ABI1: variants seen among roughly 807,000 people sequenced by gnomAD.
ABI1 encodes abl interactor 1, also known as Abelson interactor 1.
ABI1 carries 14 observed loss-of-function variants against 54.6 expected under a neutral mutation model. The observed-to-expected ratio is 0.26, with a 90% CI of 0.17 to 0.40. The LOEUF (loss-of-function observed/expected upper bound fraction) is 0.40, where lower values mean the gene tolerates loss of function less well. Among genes scored for constraint, ABI1 ranks in the 10% least tolerant of loss-of-function variants. The pLI, the probability that ABI1 is intolerant of heterozygous loss-of-function variation, is 1.00. For missense variants in ABI1, 443 were observed against 598.3 expected, an observed-to-expected ratio of 0.74 and a Z score of 2.71; for synonymous variants, 194 against 209.3, an observed-to-expected ratio of 0.93 and a Z score of 0.63.
At chr10:26,778,015 T>C (rs532980905) in intron 2 of ABI1, among the ~76,000 whole-genome samples, 1 of 151,336 alleles carries the variant, frequency 6.6e-6, no homozygotes, top group Non-Finnish European at 1.5e-5. Flanking sequence ...CTTTACAGAG[T>C]AGGTACCTAC....
At chr10:26,757,999 G>T (rs1041700813) in intron 8 of ABI1, among the ~76,000 whole-genome samples, 33 of 148,822 alleles carry the variant, frequency 2.2e-4, no homozygotes, top group African/African-American at 8.2e-4. Flanking sequence ...TCCTGGGAGG[G>T]TGAGGTTGCA....
Position 26,746,638 on chromosome 10 carries a change from G to GAA in ABI1, c.*1930_*1931dup, listed in dbSNP as rs1300919493. The GAA allele has an allele frequency of 5.7e-6, 4 of 696,690 alleles. No homozygotes were observed. In the South Asian group the frequency reaches 7.0e-5, roughly 12 times the overall value. 43.2% of individuals were successfully genotyped at this position (696,690 alleles called of 1,614,324 possible). A position where few individuals can be genotyped will look rare whatever the true frequency, so the allele number is the denominator to read the frequency against. ...TTTTTTTATTGCAAAAGTTTTTTCA[G>GAA]AAAACTTTTTAAATGTAATTAATAA... On this transcript the variant is annotated 3_prime_UTR_variant, in exon 11 of 11. Coordinates refer to ENST00000376140, the MANE Select transcript of ABI1 (RefSeq NM_001012750.3).
At chr10:26,764,632 C>A (rs1249421727) in intron 7 of ABI1, among the ~76,000 whole-genome samples, 1 of 152,146 alleles carries the variant, frequency 6.6e-6, no homozygotes. Context: ...TCCATGGGTT[C>A]CTCATCCCTG....
Position 26,857,320 on chromosome 10 carries a change from CAAAAAAAAAAAAA to C in ABI1, c.117+3414_117+3426del, listed in dbSNP as rs71403897. 3.0e-3 allele frequency among the ~76,000 whole-genome samples: 227 copies of C among 75,968 alleles called. 5 individuals are homozygous for C. Among genetic ancestry groups the C allele is most frequent in the Admixed American group, 0.027 (158 of 5,860 alleles). The allele number at this position is 75,968 out of a possible 152,430, so 49.8% of individuals were successfully genotyped here. On this transcript the variant is annotated intron_variant, in intron 1 of 10. Transcript: ENST00000376140. The stretch of plus-strand genomic sequence containing the variant: ...CAGGCAATAGAGCGAGACTCCATCT[CAAAAAAAAAAAAA>C]AAAAAAAAAAAAAAAAACACTTTCT...
chr10:26,760,876 A>G (rs905096615), intron 7 of ABI1, among the ~76,000 whole-genome samples: 8 of 128,194 alleles, frequency 6.2e-5, no homozygotes, highest in Non-Finnish European at 1.3e-4. Flanking sequence ...GTGACGGAGA[A>G]AGACTCCATC....
At chr10:26,796,393 A>G (rs1844171944) in intron 2 of ABI1, among the ~76,000 whole-genome samples, 1 of 152,218 alleles carries the variant, frequency 6.6e-6, no homozygotes, top group African/African-American at 2.4e-5. Flanking sequence ...ATGTTTAGAC[A>G]TGCTTGGATA....
intron 2 of ABI1, among the ~76,000 whole-genome samples, chr10:26,791,619 G>A (rs11015290): frequency 0.09 from 13,725 of 152,120 alleles, 887 homozygotes; most frequent in East Asian, 0.34. Flanking sequence ...ATTGAGATAC[G>A]AAGCCATAGT....
At chr10:26,827,748 A>G (rs1238638206) in intron 1 of ABI1, among the ~76,000 whole-genome samples, 2 of 151,900 alleles carry the variant, frequency 1.3e-5, no homozygotes, top group Admixed American at 6.6e-5. Context: ...ATAAGCCACC[A>G]TGCCCAGGTA....
At chr10:26,757,377 CTAAAA>C (rs1425723794) in intron 8 of ABI1, among the ~76,000 whole-genome samples, 4 of 151,444 alleles carry the variant, frequency 2.6e-5, no homozygotes, top group East Asian at 3.9e-4. Flanking sequence ...ACAAGCATTG[CTAAAA>C]TAAAACTATA....
At chr10:26,807,265 G>A (rs551003863) in intron 2 of ABI1, among the ~76,000 whole-genome samples, 1 of 152,240 alleles carries the variant, frequency 6.6e-6, no homozygotes, top group East Asian at 1.9e-4. Flanking sequence ...CTTGAGCCCG[G>A]GAATTCGACA....
At chr10:26,845,963 T>C (rs1356852838) in intron 1 of ABI1, among the ~76,000 whole-genome samples, 2 of 151,806 alleles carry the variant, frequency 1.3e-5, no homozygotes, top group Admixed American at 6.6e-5. Context: ...GCCAACATGG[T>C]GAAACCCCGT....
intron 5 of ABI1, 79 bp from the exon 6 acceptor site, chr10:26,769,071 C>A (rs2132716285): frequency 8.7e-7 from 1 of 1,146,256 alleles, no homozygotes; most frequent in East Asian, 2.7e-5. Flanking sequence ...GTGAGTCTCC[C>A]TTTGTGACCA....
chr10:26,819,247 G>T (rs1266420581), intron 2 of ABI1, among the ~76,000 whole-genome samples: 1 of 152,000 alleles, frequency 6.6e-6, no homozygotes, highest in East Asian at 1.9e-4. Context: ...TAACACACAA[G>T]GAGGCAGAAA....
chr10:26,770,331 C>T lies in ABI1; in HGVS notation c.492G>A (p.Gln164=). Residue 164 remains glutamine, a synonymous_variant, in exon 5 of 11, where the codon CAG becomes CAA. Transcript: ENST00000376140. The part of the protein sequence containing the change: ...KWLKAKHGNN[Q]PARTGTLSRT... ...TCGACAGTGTGCCAGTTCTTGCAGG[C>T]TGGTTATTTCCATGCTAAAATGTAG... The T allele has an allele frequency of 2.5e-6, 4 of 1,613,872 alleles. No homozygotes were observed. The highest frequency in any genetic ancestry group is 3.4e-6 in the Non-Finnish European group (4 of 1,179,824).
Position 26,860,920 on chromosome 10 carries a change from C to T in ABI1, c.-57G>A. On this transcript the variant is annotated 5_prime_UTR_variant, in exon 1 of 11. Transcript: ENST00000376140. This position sits in a 1 kb window ranked among gnomAD's most constrained non-coding sequence, Gnocchi z 4.1. ...TTAAAGAGACAGAGGCAGCAAGGTC[C>T]GCCGAGGCTCCGAGCACCTCACAGC... The T allele has an allele frequency of 4.6e-6, 7 of 1,525,562 alleles. No individual in the cohort carries two copies. The highest frequency in any genetic ancestry group is 2.2e-5 in the South Asian group (2 of 89,320). 94.5% of individuals were successfully genotyped at this position (1,525,562 alleles called of 1,614,324 possible).
intron 2 of ABI1, among the ~76,000 whole-genome samples, chr10:26,788,843 G>A (rs1335511319): frequency 6.9e-6 from 1 of 145,298 alleles, no homozygotes; most frequent in African/African-American, 2.6e-5. Context: ...AACCTGGGAG[G>A]CAGAGCTTGC....
At chr10:26,822,844 G>A (rs566091421) in intron 2 of ABI1, among the ~76,000 whole-genome samples, 2 of 152,074 alleles carry the variant, frequency 1.3e-5, no homozygotes, top group African/African-American at 2.4e-5. Flanking sequence ...ATAACTTTAC[G>A]TCAGAAAAGC....
intron 2 of ABI1, among the ~76,000 whole-genome samples, chr10:26,780,374 T>C (rs914681993): frequency 6.6e-6 from 1 of 152,128 alleles, no homozygotes; most frequent in African/African-American, 2.4e-5. Flanking sequence ...ATAACAGGTG[T>C]ATCCCACCAT....
chr10:26,773,469 A>C (rs1840995915), intron 3 of ABI1, among the ~76,000 whole-genome samples: 1 of 151,828 alleles, frequency 6.6e-6, no homozygotes, highest in Non-Finnish European at 1.5e-5. Context: ...CAAAGTGCCA[A>C]GATTACAGGC....
Sources: gnomAD v4.1 joint callset for allele counts (sites outside exome capture counted in the v4.1 genomes callset) on GRCh38, gnomAD v4.1.1 for gene constraint, Gnocchi (gnomAD v3.1) non-coding constraint, MANE v1.5 for transcripts, NCBI Gene and HGNC (gene_info 2026-07-23, HGNC 2026-07-21) for gene names.